Variants in ZNF407 observed in about 807,000 individuals in gnomAD.
The protein encoded by ZNF407 is zinc finger protein 407.
ZNF407 carries 17 observed loss-of-function variants against 131.2 expected under a neutral mutation model. The observed-to-expected ratio is 0.13, with a 90% confidence interval of 0.09 to 0.19. ZNF407 has a LOEUF of 0.19. Among genes scored for constraint, ZNF407 ranks in the 10% least tolerant of loss-of-function variants. The pLI is 1.00. For missense variants in ZNF407, 2,681 were observed against 2,830.6 expected (o/e 0.95, Z 1.20); for synonymous variants, 1,156 against 1,062.0 (o/e 1.09, Z -1.72).
intron 8 of ZNF407, among the ~76,000 whole-genome samples, chr18:75,013,113 G>A (rs1973001495): frequency 6.6e-6 from 1 of 152,024 alleles, no homozygotes; most frequent in Non-Finnish European, 1.5e-5. Flanking sequence ...GCCTATAATT[G>A]AATACACAGT....
chr18:74,838,494 C>T (rs777854371), intron 4 of ZNF407, among the ~76,000 whole-genome samples: 5 of 152,156 alleles, frequency 3.3e-5, no homozygotes, highest in Non-Finnish European at 7.4e-5. Context: ...ATTTCCCCCT[C>T]TCTTTTCATA....
intron 4 of ZNF407, among the ~76,000 whole-genome samples, chr18:74,810,664 ATAGT>A (rs1209511601): frequency 2.0e-5 from 3 of 152,138 alleles, no homozygotes; most frequent in South Asian, 4.2e-4. Flanking sequence ...TTGTTGCCTC[ATAGT>A]TAGTTTTTAA....
intron 2 of ZNF407, among the ~76,000 whole-genome samples, chr18:74,638,139 A>G (rs576679096): frequency 3.3e-5 from 5 of 152,332 alleles, no homozygotes; most frequent in Non-Finnish European, 7.3e-5. Context: ...CCATCTCAAA[A>G]TGTTCCAGGG....
At chr18:74,646,606 C>T (rs1984984626) in intron 3 of ZNF407, among the ~76,000 whole-genome samples, 1 of 152,188 alleles carries the variant, frequency 6.6e-6, no homozygotes, top group African/African-American at 2.4e-5. Flanking sequence ...GTGTATTCCT[C>T]TGATGTTAGA....
chr18:74,624,181 A>G (rs1190142061), intron 1 of ZNF407, among the ~76,000 whole-genome samples: 1 of 152,022 alleles, frequency 6.6e-6, no homozygotes, highest in Non-Finnish European at 1.5e-5. Context: ...TTCCGGGGAG[A>G]GCCAGAGGGG....
intron 4 of ZNF407, among the ~76,000 whole-genome samples, chr18:74,847,090 A>G (rs12954345): frequency 0.035 from 5,350 of 152,254 alleles, 119 homozygotes; most frequent in Non-Finnish European, 0.055. Context: ...AGATGCCTTT[A>G]TAGACTCGGT....
At chr18:74,950,592 A>G (rs975779017) in intron 8 of ZNF407, among the ~76,000 whole-genome samples, 3 of 152,228 alleles carry the variant, frequency 2.0e-5, no homozygotes, top group African/African-American at 7.2e-5. Flanking sequence ...CAATTGTTCT[A>G]CCGTTACAGA....
chr18:74,647,191 C>T (rs1985011286), intron 3 of ZNF407, among the ~76,000 whole-genome samples: 1 of 151,680 alleles, frequency 6.6e-6, no homozygotes, highest in Non-Finnish European at 1.5e-5. Context: ...GCCTGTAATC[C>T]CAGCACTTTG....
chr18:74,740,188 G>C (rs1000835047), intron 3 of ZNF407, among the ~76,000 whole-genome samples: 1 of 152,078 alleles, frequency 6.6e-6, no homozygotes, highest in Non-Finnish European at 1.5e-5. Context: ...CTCAGTTTCT[G>C]GTGGCTGACA....
chr18:74,947,935 C>T lies in ZNF407; in HGVS notation c.5428+27243C>T, dbSNP rs954903277. On this transcript the variant is annotated intron_variant, in intron 8 of 8. Transcript: ENST00000299687. ...TTTTACACAAGAACACAGAAAAGTG[C>T]TGTAAATTCACACCTTCAAAACCAA... 2.5e-4 allele frequency among the ~76,000 whole-genome samples: 38 copies of T among 152,314 alleles called. 1 individual carries two copies. Among genetic ancestry groups the T allele is most frequent in the African/African-American group, 8.9e-4 (37 of 41,564 alleles).
intron 8 of ZNF407, among the ~76,000 whole-genome samples, chr18:74,996,419 T>C (rs1326935686): frequency 1.3e-5 from 2 of 152,266 alleles, no homozygotes; most frequent in Non-Finnish European, 1.5e-5. Flanking sequence ...ATATTTTAAC[T>C]GTGTTACTTG....
intron 3 of ZNF407, among the ~76,000 whole-genome samples, chr18:74,648,142 A>T (rs760784581): frequency 2.0e-5 from 3 of 152,332 alleles, no homozygotes; most frequent in Non-Finnish European, 2.9e-5. Context: ...CAGATGGAGA[A>T]AGCTTAGGTC....
At chr18:74,902,930 G>A (rs573476229) in intron 7 of ZNF407, among the ~76,000 whole-genome samples, 18 of 152,212 alleles carry the variant, frequency 1.2e-4, no homozygotes, top group African/African-American at 4.3e-4. Context: ...CCTCTCCATG[G>A]GATGGATCAC....
chr18:74,804,493 T>C lies in ZNF407; in HGVS notation c.4877+22991T>C, dbSNP rs1013599864. ...ATGGATCTTGGTTATTTGTACCCTT[T>C]TGGGAAAATTTCACACTCAGATGCA... is the stretch of plus-strand genomic sequence containing the variant. On this transcript the variant is annotated intron_variant, in intron 4 of 8. Transcript: ENST00000299687. The C allele has an allele frequency of 1.4e-5, 14 of 987,602 alleles. No homozygotes were observed. The African/African-American group carries it at 1.6e-4, about 11-fold the overall frequency. 61.2% of individuals were successfully genotyped at this position (987,602 alleles called of 1,614,324 possible).
intron 4 of ZNF407, among the ~76,000 whole-genome samples, chr18:74,805,355 T>A (rs1281291962): frequency 6.6e-6 from 1 of 152,346 alleles, no homozygotes; most frequent in East Asian, 1.9e-4. Flanking sequence ...GGAAAATCTT[T>A]CTGCTTTCTG....
intron 3 of ZNF407, among the ~76,000 whole-genome samples, chr18:74,750,895 T>C (rs1007645796): frequency 1.3e-5 from 2 of 152,202 alleles, no homozygotes; most frequent in African/African-American, 4.8e-5. Flanking sequence ...TGAAGTGATA[T>C]ATCATTGACG....
chr18:74,794,152 G>A (rs564979220), intron 4 of ZNF407, among the ~76,000 whole-genome samples: 1 of 152,340 alleles, frequency 6.6e-6, no homozygotes, highest in African/African-American at 2.4e-5. Context: ...GGTGAGAACA[G>A]TGGCAGAAGC....
intron 8 of ZNF407, among the ~76,000 whole-genome samples, chr18:74,977,209 A>G (rs1972538125): frequency 6.6e-6 from 1 of 152,266 alleles, no homozygotes; most frequent in African/African-American, 2.4e-5. Flanking sequence ...AGCCAACAAG[A>G]AACATCTGTG....
chr18:74,969,160 A>C (rs188475246), intron 8 of ZNF407, among the ~76,000 whole-genome samples: 1 of 152,256 alleles, frequency 6.6e-6, no homozygotes, highest in Non-Finnish European at 1.5e-5. Flanking sequence ...CAAGTTTTCC[A>C]TTTGTTTCAC....
Sources: gnomAD v4.1 joint callset for allele counts (sites outside exome capture counted in the v4.1 genomes callset) on GRCh38, gnomAD v4.1.1 for gene constraint, MANE v1.5 for transcripts, NCBI Gene and HGNC (gene_info 2026-07-23, HGNC 2026-07-21) for gene names.